The following RALGAPA2 variants were observed in gnomAD, a reference collection of about 807,000 sequenced individuals.
The protein encoded by RALGAPA2 is ral GTPase-activating protein subunit alpha-2.
A neutral mutation model predicts 230.4 loss-of-function variants in RALGAPA2; 139 were observed. The ratio of observed to expected loss-of-function variants is 0.60; its 90% CI spans 0.53 to 0.69. The LOEUF is 0.69. Among genes scored for constraint, RALGAPA2 ranks in the 30% least tolerant of loss-of-function variants. The pLI is 0.00. For missense variants in RALGAPA2, 2,163 were observed against 2,276.0 expected, an observed-to-expected ratio of 0.95 and a Z score of 1.01; for synonymous variants, 847 against 837.8, an observed-to-expected ratio of 1.01 and a Z score of -0.19.
intron 1 of RALGAPA2, among the ~76,000 whole-genome samples, chr20:20,694,988 G>A (rs754926167): frequency 1.3e-5 from 2 of 152,110 alleles, no homozygotes; most frequent in African/African-American, 2.4e-5. Context: ...AGCTGTTTTG[G>A]GGGGTACTTC....
chr20:20,701,760 G>C (rs371875634), intron 1 of RALGAPA2, among the ~76,000 whole-genome samples: 1 of 148,930 alleles, frequency 6.7e-6, no homozygotes, highest in Non-Finnish European at 1.5e-5. Context: ...AGCATGGTGC[G>C]GCCAGGCGCA....
chr20:20,566,267 C>G (rs1160058594), intron 23 of RALGAPA2, among the ~76,000 whole-genome samples: 1 of 152,180 alleles, frequency 6.6e-6, no homozygotes, highest in African/African-American at 2.4e-5. Flanking sequence ...TTCTAGCTTT[C>G]CTTGTACAGA....
intron 1 of RALGAPA2, among the ~76,000 whole-genome samples, chr20:20,710,758 G>T (rs1356597260): frequency 5.3e-5 from 8 of 152,184 alleles, no homozygotes; most frequent in Non-Finnish European, 1.0e-4. Context: ...CCTGATCTAG[G>T]TTTACTTGAT....
intron 18 of RALGAPA2, among the ~76,000 whole-genome samples, chr20:20,586,950 T>C (rs2065150839): frequency 6.6e-6 from 1 of 151,952 alleles, no homozygotes; most frequent in Non-Finnish European, 1.5e-5. Flanking sequence ...AACCCCAGTG[T>C]CCCATGTAAC....
intron 1 of RALGAPA2, among the ~76,000 whole-genome samples, chr20:20,699,287 A>G (rs2069246600): frequency 6.6e-6 from 1 of 152,214 alleles, no homozygotes; most frequent in African/African-American, 2.4e-5. Flanking sequence ...AATTCTTTCC[A>G]AAATAAATAT....
Position 20,524,493 on chromosome 20 carries a change from G to A in RALGAPA2, c.3813C>T (p.Pro1271=), listed in dbSNP as rs201822513. 3.2e-4 allele frequency: 515 copies of A among 1,613,672 alleles called. No individual in the cohort carries two copies. Among genetic ancestry groups the A allele is most frequent in the Admixed American group, 4.3e-4 (26 of 59,984 alleles). The change falls in exon 30 of 40, where the codon CCC becomes CCT. Residue 1271 remains proline, a synonymous_variant. Coordinates refer to ENST00000202677, the MANE Select transcript of RALGAPA2 (RefSeq NM_020343.4). ...LCLLDWCMAL[P]VSVLLHPVST... ...ACACGGGGTGGAGAAGGACACTCAC[G>A]GGCAATGCCATGCACCAGTCCAAGA...
In RALGAPA2 at chr20:20,396,724, C is replaced by A. The variant is rs1463872984; in HGVS notation, c.*6G>T. ...CTCAAATATTGAAATGAGACCTTTA[C>A]GTGTTTTAATCTGAAGGGAAAGAAC... On this transcript the variant is annotated 3_prime_UTR_variant, in exon 39 of 40. Transcript: ENST00000202677. 1 of 1,609,542 alleles carries A rather than the reference C, an allele frequency of 6.2e-7. No individual in the cohort carries two copies. Among genetic ancestry groups the A allele is most frequent in the African/African-American group, 1.3e-5 (1 of 74,944 alleles).
At chr20:20,439,454 C>T (rs1436674707) in intron 37 of RALGAPA2, among the ~76,000 whole-genome samples, 1 of 152,186 alleles carries the variant, frequency 6.6e-6, no homozygotes, top group African/African-American at 2.4e-5. Context: ...CTTAAGCGAT[C>T]CACTGGCCTC....
rs1458101985 is a variant in RALGAPA2 at position 20,601,539 on chromosome 20, A to C, written c.2203+143T>G. 3 of 759,320 alleles carry C rather than the reference A, an allele frequency of 4.0e-6. No homozygotes were observed. In the African/African-American group the frequency reaches 5.4e-5, roughly 14 times the overall value. The allele number at this position is 759,320 out of a possible 1,614,324, so 47.0% of individuals were successfully genotyped here. Reference sequence around the variant, plus strand: ...GTGATTTGAAAAGTAACCAGAGCATAAAGCTAAAAAGATGTAGAGACATTT... The same window carrying C: ...GTGATTTGAAAAGTAACCAGAGCATCAAGCTAAAAAGATGTAGAGACATTT... On this transcript the variant is annotated intron_variant, in intron 16 of 39. Coordinates refer to ENST00000202677, the MANE Select transcript of RALGAPA2 (RefSeq NM_020343.4).
chr20:20,404,083 C>T (rs972471366), intron 38 of RALGAPA2, among the ~76,000 whole-genome samples: 17 of 146,746 alleles, frequency 1.2e-4, no homozygotes, highest in African/African-American at 4.4e-4. Context: ...TTTATTGTCT[C>T]ATATTCTTGA....
chr20:20,415,946 T>A (rs529822447), intron 37 of RALGAPA2, among the ~76,000 whole-genome samples: 92 of 152,308 alleles, frequency 6.0e-4, no homozygotes, highest in South Asian at 1.2e-3. Context: ...AGTAGCAGCA[T>A]GACAGTCAGG....
At chr20:20,618,797 T>C (rs2066231973) in intron 12 of RALGAPA2, among the ~76,000 whole-genome samples, 1 of 152,230 alleles carries the variant, frequency 6.6e-6, no homozygotes, top group African/African-American at 2.4e-5. Context: ...CTTTCAAATG[T>C]TCCCAAATGG....
chr20:20,416,149 T>C (rs1462826823), intron 37 of RALGAPA2, among the ~76,000 whole-genome samples: 1 of 152,190 alleles, frequency 6.6e-6, no homozygotes, highest in Non-Finnish European at 1.5e-5. Flanking sequence ...GAAGATTAAA[T>C]AGAATCCTAT....
chr20:20,687,624 C>A (rs957290216), intron 1 of RALGAPA2, among the ~76,000 whole-genome samples: 23 of 152,122 alleles, frequency 1.5e-4, no homozygotes, highest in African/African-American at 5.6e-4. Flanking sequence ...ACCACCCCAG[C>A]GAATACAGAC....
intron 39 of RALGAPA2, 22 bp from the exon 40 acceptor site, chr20:20,393,275 G>A (rs1350052720): frequency 7.6e-7 from 1 of 1,319,526 alleles, no homozygotes; most frequent in Non-Finnish European, 1.0e-6. Flanking sequence ...GCAGAGAACT[G>A]CTAAGTCATG....
At chr20:20,604,362 A>G (rs964321636) in intron 15 of RALGAPA2, among the ~76,000 whole-genome samples, 1 of 152,240 alleles carries the variant, frequency 6.6e-6, no homozygotes, top group Non-Finnish European at 1.5e-5. Flanking sequence ...CATAACTTTC[A>G]TTTGAGGTTC....
chr20:20,592,436 C>A (rs1477533053), intron 16 of RALGAPA2, among the ~76,000 whole-genome samples: 1 of 152,152 alleles, frequency 6.6e-6, no homozygotes, highest in East Asian at 1.9e-4. Context: ...CACACCTGCT[C>A]CCTCATCCCT....
intron 23 of RALGAPA2, among the ~76,000 whole-genome samples, chr20:20,550,464 T>G (rs1324729650): frequency 5.9e-5 from 9 of 152,210 alleles, no homozygotes; most frequent in Non-Finnish European, 1.2e-4. Context: ...CAGGGTGGTG[T>G]GAAAGAATAA....
intron 36 of RALGAPA2, among the ~76,000 whole-genome samples, chr20:20,481,410 T>C (rs941908199): frequency 6.6e-6 from 1 of 152,192 alleles, no homozygotes; most frequent in Non-Finnish European, 1.5e-5. Flanking sequence ...AATATTGCCA[T>C]GGATGGGCCT....
Sources: allele counts gnomAD v4.1 joint callset (sites outside exome capture counted in the v4.1 genomes callset), GRCh38; gene constraint gnomAD v4.1.1; transcripts MANE v1.5; gene names NCBI Gene and HGNC (gene_info 2026-07-23, HGNC 2026-07-21).